The following DIS3L2 variants were observed in gnomAD, a reference collection of about 807,000 sequenced individuals.
DIS3L2 encodes the protein DIS3 like 3'-5' exoribonuclease 2.
DIS3L2 carries 34 observed loss-of-function variants against 97.5 expected under a neutral mutation model. That is an observed-to-expected ratio of 0.35 (90% CI 0.27 to 0.46). The LOEUF (loss-of-function observed/expected upper bound fraction) is 0.46, where lower values mean the gene tolerates loss of function less well. Among genes scored for constraint, DIS3L2 ranks in the 20% least tolerant of loss-of-function variants. DIS3L2 has a pLI of 1.00. For missense variants in DIS3L2, 1,038 were observed against 1,146.0 expected (o/e 0.91, Z 1.36); for synonymous variants, 435 against 445.2 (o/e 0.98, Z 0.29).
rs1157546775 is a variant in DIS3L2 at position 232,101,598 on chromosome 2, T to G, written c.601+13877T>G. On this transcript the variant is annotated intron_variant, in intron 6 of 20. Transcript: ENST00000325385. ...TATAAATAGTATCTATCTCAGGAAT[T>G]CCAGTAGTTTTTATTCCCAAGATGC... 2.0e-5 allele frequency among the ~76,000 whole-genome samples: 3 copies of G among 152,232 alleles called. No homozygotes were observed. In the East Asian group the frequency reaches 5.8e-4, roughly 29 times the overall value.
chr2:232,329,785 T>TACCGGGGGG, intron 14 of DIS3L2, 28 bp from the exon 15 acceptor site: 9 of 967,140 alleles, frequency 9.3e-6, no homozygotes, highest in Non-Finnish European at 1.2e-5. Context: ...ACCCCAGCGG[T>TACCGGGGGG]CCCTCCCATC....
At chr2:232,303,661 A>C (rs1237438715) in intron 14 of DIS3L2, among the ~76,000 whole-genome samples, 2 of 152,156 alleles carry the variant, frequency 1.3e-5, no homozygotes, top group Non-Finnish European at 2.9e-5. Context: ...TTCCTTTCAA[A>C]TGGAATGGCC....
intron 9 of DIS3L2, among the ~76,000 whole-genome samples, chr2:232,192,181 A>G (rs1241495367): frequency 6.6e-6 from 1 of 152,184 alleles, no homozygotes; most frequent in Non-Finnish European, 1.5e-5. Flanking sequence ...ACCAAAAGAT[A>G]TTTTTGAAGG....
chr2:232,016,519 G>A (rs1400758137), intron 3 of DIS3L2, among the ~76,000 whole-genome samples: 4 of 152,174 alleles, frequency 2.6e-5, no homozygotes, highest in African/African-American at 9.7e-5. Flanking sequence ...CCTGGAGTTG[G>A]TGACCCTCGT....
At chr2:231,994,923 T>C (rs1693689825) in intron 1 of DIS3L2, among the ~76,000 whole-genome samples, 1 of 151,460 alleles carries the variant, frequency 6.6e-6, no homozygotes, top group South Asian at 2.1e-4. Context: ...GGTGATTTTC[T>C]CACCTCAGCC....
intron 6 of DIS3L2, among the ~76,000 whole-genome samples, chr2:232,097,803 T>C (rs947581240): frequency 2.0e-5 from 3 of 152,188 alleles, no homozygotes; most frequent in Non-Finnish European, 4.4e-5. Flanking sequence ...TTTCTCTGCT[T>C]TTCTCAAGCA....
chr2:232,119,339 A>C (rs1697823934), intron 6 of DIS3L2, among the ~76,000 whole-genome samples: 1 of 152,144 alleles, frequency 6.6e-6, no homozygotes, highest in East Asian at 1.9e-4. Context: ...GTAGAGAAAC[A>C]CCTGTCGGAC....
At chr2:232,307,128 CTG>C (rs1179518454) in intron 14 of DIS3L2, among the ~76,000 whole-genome samples, 1 of 152,274 alleles carries the variant, frequency 6.6e-6, no homozygotes, top group Non-Finnish European at 1.5e-5. Context: ...GCTCTTAGCA[CTG>C]TGCCTTTCAG....
At chr2:232,297,841 T>C (rs1694760067) in intron 13 of DIS3L2, among the ~76,000 whole-genome samples, 1 of 152,052 alleles carries the variant, frequency 6.6e-6, no homozygotes, top group East Asian at 1.9e-4. Context: ...TAGCTGGGAC[T>C]ACAGGTGCGT....
intron 5 of DIS3L2, among the ~76,000 whole-genome samples, chr2:232,030,892 A>G (rs1441836943): frequency 2.0e-5 from 3 of 152,050 alleles, no homozygotes; most frequent in Non-Finnish European, 4.4e-5. Flanking sequence ...TCTTCATATC[A>G]TTTGTTTTAT....
rs906568219 is a variant in DIS3L2, at chr2:232,300,243, A to G, written c.1739+124A>G. 3.1e-5 allele frequency: 25 copies of G among 811,624 alleles called. No homozygotes were observed. In the African/African-American group the frequency reaches 3.4e-4, roughly 11 times the overall value. 50.3% of individuals were successfully genotyped at this position (811,624 alleles called of 1,614,324 possible). ...GGAAGGGAATACACCTTTTACTACT[A>G]TACTAGAAAATAGCTGGCACAGAAA... On this transcript the variant is annotated intron_variant, in intron 14 of 20. Transcript: ENST00000325385.
At chr2:232,226,994 A>G (rs764543459) in intron 10 of DIS3L2, among the ~76,000 whole-genome samples, 3 of 151,758 alleles carry the variant, frequency 2.0e-5, no homozygotes, top group Non-Finnish European at 4.4e-5. Context: ...AAACAAAAAC[A>G]AAAACAAAAA....
At chr2:232,174,658 A>G (rs1259480708) in intron 9 of DIS3L2, among the ~76,000 whole-genome samples, 1 of 151,296 alleles carries the variant, frequency 6.6e-6, no homozygotes, top group Non-Finnish European at 1.5e-5. Context: ...TGTATTTAGA[A>G]GTTCATGTCA....
chr2:232,284,890 A>G (rs13020779), intron 13 of DIS3L2, among the ~76,000 whole-genome samples: 49,650 of 151,996 alleles, frequency 0.33, 9,640 homozygotes, highest in African/African-American at 0.52. Context: ...ATGGAGCTGC[A>G]CACCACAGAG....
At position 232,269,096 on chromosome 2, in the gene DIS3L2, A is replaced by T. The variant is rs1252310179; in HGVS notation, c.1659+5656A>T. The stretch of plus-strand genomic sequence containing the variant: ...TCAGGTCTTCATCCCACCCAAGCCC[A>T]CTTGCAGAGATGCTGGCTCTGCCTC... On this transcript the variant is annotated intron_variant, in intron 13 of 20. Transcript: ENST00000325385. This position sits in a 1 kb window ranked among gnomAD's most constrained non-coding sequence, Gnocchi z 4.5. Among the ~76,000 whole-genome samples, 1 of 152,206 alleles carries T rather than the reference A, an allele frequency of 6.6e-6. No individual in the cohort carries two copies. Among genetic ancestry groups the T allele is most frequent in the Non-Finnish European group, 1.5e-5 (1 of 68,030 alleles).
At chr2:232,020,000 A>G (rs1245982403) in intron 3 of DIS3L2, among the ~76,000 whole-genome samples, 1 of 151,908 alleles carries the variant, frequency 6.6e-6, no homozygotes, top group Non-Finnish European at 1.5e-5. Flanking sequence ...CAATTGAAGA[A>G]TTAGGAGAAG....
At chr2:232,168,974 A>C (rs1690903161) in intron 9 of DIS3L2, among the ~76,000 whole-genome samples, 1 of 152,222 alleles carries the variant, frequency 6.6e-6, no homozygotes, top group African/African-American at 2.4e-5. Flanking sequence ...TACAACAGTG[A>C]ACAAAAATAG....
chr2:232,161,765 C>G (rs957578882), intron 8 of DIS3L2, among the ~76,000 whole-genome samples: 1 of 151,162 alleles, frequency 6.6e-6, no homozygotes, highest in Non-Finnish European at 1.5e-5. Context: ...GCCACCGTGC[C>G]TGACCCCAGT....
At chr2:232,127,432 C>T (rs923732177) in intron 6 of DIS3L2, among the ~76,000 whole-genome samples, 1 of 152,162 alleles carries the variant, frequency 6.6e-6, no homozygotes, top group Non-Finnish European at 1.5e-5. Flanking sequence ...TAATTATCAC[C>T]AAGACTATTC....
Sources: allele counts gnomAD v4.1 joint callset (sites outside exome capture counted in the v4.1 genomes callset), GRCh38; gene constraint gnomAD v4.1.1; non-coding constraint Gnocchi (gnomAD v3.1); transcripts MANE v1.5; gene names NCBI Gene and HGNC (gene_info 2026-07-23, HGNC 2026-07-21).